ZNF521: variants seen among roughly 807,000 people sequenced by gnomAD.
ZNF521 encodes zinc finger protein 521, also known as LYST-interacting protein 3.
ZNF521 carries 14 observed loss-of-function variants against 105.5 expected under a neutral mutation model. The observed-to-expected ratio is 0.13, with a 90% CI of 0.09 to 0.21. The LOEUF (loss-of-function observed/expected upper bound fraction) is 0.21. Ranked by LOEUF, ZNF521 falls within the 10% of genes least tolerant of loss-of-function variation. ZNF521 has a pLI of 1.00. For synonymous variants in ZNF521, 635 were observed against 606.0 expected (o/e 1.05, Z -0.70); for missense variants, 1,233 against 1,629.7 (o/e 0.76, Z 4.19).
chr18:25,214,830 T>G (rs75520565), intron 4 of ZNF521, among the ~76,000 whole-genome samples: 5,430 of 152,210 alleles, frequency 0.036, 314 homozygotes, highest in African/African-American at 0.12. Context: ...GGAGAAAGGA[T>G]GCAGGAGATG....
At chr18:25,149,442 G>C (rs1184552077) in intron 5 of ZNF521, among the ~76,000 whole-genome samples, 1 of 152,078 alleles carries the variant, frequency 6.6e-6, no homozygotes, top group African/African-American at 2.4e-5. Context: ...TATCTATGAT[G>C]TCATAACTAT....
chr18:25,324,858 G>A (rs959020600), intron 2 of ZNF521, among the ~76,000 whole-genome samples: 1 of 152,296 alleles, frequency 6.6e-6, no homozygotes, highest in Non-Finnish European at 1.5e-5. Context: ...GCTCTCAAAA[G>A]CTGAAGAACC....
intron 5 of ZNF521, among the ~76,000 whole-genome samples, chr18:25,154,072 A>T (rs563698689): frequency 1.4e-4 from 21 of 152,168 alleles, no homozygotes; most frequent in African/African-American, 5.1e-4. Context: ...CCATCTTCCA[A>T]ATCTGAACCT....
chr18:25,326,399 A>G (rs1015017570), intron 2 of ZNF521, among the ~76,000 whole-genome samples: 1 of 152,228 alleles, frequency 6.6e-6, no homozygotes, highest in Non-Finnish European at 1.5e-5. Flanking sequence ...ATGTGGTTAT[A>G]ATTATTACCA....
chr18:25,212,037 G>A (rs1460952137), intron 4 of ZNF521, among the ~76,000 whole-genome samples: 3 of 152,100 alleles, frequency 2.0e-5, no homozygotes, highest in African/African-American at 7.2e-5. Flanking sequence ...GTGTGGTTCT[G>A]TGGACTAACA....
chr18:25,072,512 A>G (rs1250686121), intron 7 of ZNF521, among the ~76,000 whole-genome samples: 1 of 152,212 alleles, frequency 6.6e-6, no homozygotes, highest in African/African-American at 2.4e-5. Context: ...AGCGTGCACT[A>G]TGTACTACCT....
chr18:25,322,085 C>T lies in ZNF521; in HGVS notation c.143G>A (p.Ser48Asn). ...AAACACCTGGAGGCAGCTGTCACAG[C>T]TGTGCACAGCTTCGTCTTCCAACTC... The part of the protein sequence containing the change: ...GEELEDEAVH[S>N]CDSCLQVFES... Residue 48 changes from serine to asparagine, a missense_variant, in exon 3 of 8, where the codon AGC becomes AAC. By Grantham distance (46) the Ser-to-Asn change is conservative. Around this residue, in one of 6 missense-constraint regions of ZNF521, gnomAD observed 76 missense variants for 79.3 expected, o/e 0.96. Transcript: ENST00000361524. 1 of 1,614,202 alleles carries T rather than the reference C, an allele frequency of 6.2e-7. No homozygotes were observed. Among genetic ancestry groups the T allele is most frequent in the Non-Finnish European group, 8.5e-7 (1 of 1,180,042 alleles).
At position 25,062,752 on chromosome 18, in the gene ZNF521, CAAAAAAAAAAAAAAAAAA is replaced by C. The variant is rs10540123; in HGVS notation, c.3907-29_3907-12del. The stretch of plus-strand genomic sequence containing the variant: ...GGTCATTGTATGATTCTGTAAATAA[CAAAAAAAAAAAAAAAAAA>C]AAAAAAAAAAAAAAAGAGAAGAGAG... On this transcript the variant is annotated splice_polypyrimidine_tract_variant and intron_variant, in intron 7 of 7. Transcript: ENST00000361524. 2.4e-4 allele frequency: 89 copies of C among 364,944 alleles called. No homozygotes were observed. The highest frequency in any genetic ancestry group is 5.5e-4 in the African/African-American group (13 of 23,492). 22.6% of individuals were successfully genotyped at this position (364,944 alleles called of 1,614,324 possible). A position where few individuals can be genotyped will look rare whatever the true frequency, so the allele number is the denominator to read the frequency against.
chr18:25,249,103 A>G (rs2144836642), intron 3 of ZNF521, among the ~76,000 whole-genome samples: 1 of 152,086 alleles, frequency 6.6e-6, no homozygotes, highest in South Asian at 2.1e-4. Flanking sequence ...ACCCTCTCTC[A>G]CATAGCAAGA....
chr18:25,074,391 A>G (rs8093679), intron 7 of ZNF521, among the ~76,000 whole-genome samples: 1 of 152,124 alleles, frequency 6.6e-6, no homozygotes, highest in Non-Finnish European at 1.5e-5. Flanking sequence ...AGAAGAGAAA[A>G]CATTTCACAC....
intron 5 of ZNF521, among the ~76,000 whole-genome samples, chr18:25,180,865 G>A (rs927299782): frequency 2.0e-5 from 3 of 150,058 alleles, no homozygotes; most frequent in Non-Finnish European, 4.4e-5. Flanking sequence ...AACAACAACA[G>A]CAACAGCAGC....
chr18:25,183,033 G>A (rs991136642), intron 5 of ZNF521, among the ~76,000 whole-genome samples: 1 of 151,948 alleles, frequency 6.6e-6, no homozygotes, highest in South Asian at 2.1e-4. Context: ...TGTTATTTGG[G>A]TAATAACTAT....
intron 7 of ZNF521, among the ~76,000 whole-genome samples, chr18:25,086,023 TTA>T (rs1262459012): frequency 6.6e-6 from 1 of 152,078 alleles, no homozygotes; most frequent in African/African-American, 2.4e-5. Flanking sequence ...ACATTTAGTT[TTA>T]TAGTCTCTTG....
intron 2 of ZNF521, among the ~76,000 whole-genome samples, chr18:25,330,455 T>A (rs545965692): frequency 6.6e-6 from 1 of 152,170 alleles, no homozygotes; most frequent in African/African-American, 2.4e-5. Flanking sequence ...TGAGCCACCA[T>A]GCCCAGCCAC....
At chr18:25,289,260 TTAAA>T (rs1294259740) in intron 3 of ZNF521, among the ~76,000 whole-genome samples, 1 of 152,242 alleles carries the variant, frequency 6.6e-6, no homozygotes, top group East Asian at 1.9e-4. Flanking sequence ...CTTGTAAATC[TTAAA>T]TAAAAGTCTT....
At chr18:25,155,751 A>G (rs2035131506) in intron 5 of ZNF521, among the ~76,000 whole-genome samples, 1 of 152,174 alleles carries the variant, frequency 6.6e-6, no homozygotes, top group Admixed American at 6.5e-5. Flanking sequence ...GTATGAACAA[A>G]TGGATAAACT....
Position 25,290,792 on chromosome 18 carries a change from G to A in ZNF521, c.220+31216C>T, listed in dbSNP as rs533444652. ...CACCTGGCTAATTTTTGTATTTTTAGTAGAGACCCACCCAGCCACCCAAAG... is the reference window on the plus strand; with the variant it reads ...CACCTGGCTAATTTTTGTATTTTTAATAGAGACCCACCCAGCCACCCAAAG... On this transcript the variant is annotated intron_variant, in intron 3 of 7. Coordinates refer to ENST00000361524, the MANE Select transcript of ZNF521 (RefSeq NM_015461.3). Among the ~76,000 whole-genome samples the A allele has an allele frequency of 3.4e-4, 51 of 151,960 alleles. No individual in the cohort carries two copies. In the South Asian group the frequency reaches 8.4e-3, roughly 25 times the overall value.
intron 3 of ZNF521, among the ~76,000 whole-genome samples, chr18:25,266,230 G>C (rs1909242223): frequency 6.6e-6 from 1 of 152,092 alleles, no homozygotes; most frequent in African/African-American, 2.4e-5. Flanking sequence ...AATGCTTGAG[G>C]GGATGGATGC....
At chr18:25,293,541 T>G (rs1301804923) in intron 3 of ZNF521, among the ~76,000 whole-genome samples, 2 of 152,212 alleles carry the variant, frequency 1.3e-5, no homozygotes, top group East Asian at 1.9e-4. Flanking sequence ...TTTAGAGATT[T>G]AACAACAAAA....
Sources: allele counts gnomAD v4.1 joint callset (sites outside exome capture counted in the v4.1 genomes callset), GRCh38; gene constraint gnomAD v4.1.1; regional missense constraint gnomAD v4.1.1; transcripts MANE v1.5; gene names NCBI Gene and HGNC (gene_info 2026-07-23, HGNC 2026-07-21).